DBR1: variants seen among roughly 807,000 people sequenced by gnomAD.
DBR1 encodes the protein lariat debranching enzyme.
A neutral mutation model predicts 45.9 loss-of-function variants in DBR1; 33 were observed. The ratio of observed to expected loss-of-function variants is 0.72; its 90% CI spans 0.55 to 0.96. The LOEUF (loss-of-function observed/expected upper bound fraction) is 0.96. Among genes scored for constraint, DBR1 ranks in the 40% least tolerant of loss-of-function variants. DBR1 has a pLI of 0.00. For missense variants in DBR1, 619 were observed against 667.4 expected, an observed-to-expected ratio of 0.93 and a Z score of 0.80; for synonymous variants, 235 against 235.9, an observed-to-expected ratio of 1.00 and a Z score of 0.04.
chr3:138,170,087 G>T lies in DBR1; in HGVS notation c.489+20C>A. ...ACTTTAAAATGTTTTCAAGTCTGCT[G>T]TAATGCGCTTTTTACGTACCTGTTT... On this transcript the variant is annotated intron_variant, in intron 4 of 7. Coordinates refer to ENST00000260803, the MANE Select transcript of DBR1 (RefSeq NM_016216.4). 2.8e-6 allele frequency: 4 copies of T among 1,444,886 alleles called. No homozygotes were observed. The highest frequency in any genetic ancestry group is 2.9e-6 in the Non-Finnish European group (3 of 1,033,314). 89.5% of individuals were successfully genotyped at this position (1,444,886 alleles called of 1,614,324 possible). A position where few individuals can be genotyped will look rare whatever the true frequency, so the allele number is the denominator to read the frequency against.
chr3:138,173,597 A>T lies in DBR1; in HGVS notation c.227T>A (p.Val76Asp). 1 of 1,613,946 alleles carries T rather than the reference A, an allele frequency of 6.2e-7. No individual in the cohort carries two copies. The highest frequency in any genetic ancestry group is 8.5e-7 in the Non-Finnish European group (1 of 1,179,862). Residue 76 changes from valine to aspartate, a missense_variant, in exon 2 of 8, where the codon GTT becomes GAT. Val to Asp is a radical substitution (Grantham distance 152, BLOSUM62 -3). This residue lies in a region of DBR1 where 430 missense variants were observed against 447.7 expected (regional missense o/e 0.96). Coordinates refer to ENST00000260803, the MANE Select transcript of DBR1 (RefSeq NM_016216.4). ...RYYSGEKKAP[V>D]LTLFIGGNHE... ...GTTTCCCCCAATGAAGAGCGTGAGA[A>T]CTGGAGCCTTTTTCTCTCCAGAGTA...
Position 138,163,344 on chromosome 3 carries a change from C to T in DBR1, c.941+5G>A, listed in dbSNP as rs765505549. On this transcript the variant is annotated splice_donor_5th_base_variant and intron_variant, in intron 7 of 7. Transcript: ENST00000260803. Reference sequence around the variant, plus strand: ...AAAGCAGGTCCTAAATAAAGTCTGACTTACCTTGCATGCAGGCCATTATTT... The same window carrying T: ...AAAGCAGGTCCTAAATAAAGTCTGATTTACCTTGCATGCAGGCCATTATTT... 2 of 1,611,290 alleles carry T rather than the reference C, an allele frequency of 1.2e-6. No homozygotes were observed. The highest frequency in any genetic ancestry group is 2.2e-5 in the South Asian group (2 of 90,392).
intron 5 of DBR1, 47 bp from the exon 6 acceptor site, chr3:138,163,905 C>T: frequency 7.2e-7 from 1 of 1,384,752 alleles, no homozygotes. Flanking sequence ...AAAACAACCA[C>T]AGGTAATTCT....
rs2042918777 is a variant in DBR1, at chr3:138,163,840, T to G, written c.733A>C (p.Thr245Pro). The G allele has an allele frequency of 8.7e-6, 14 of 1,612,518 alleles. No individual in the cohort carries two copies. Among genetic ancestry groups the G allele is most frequent in the Non-Finnish European group, 1.1e-5 (13 of 1,178,916 alleles). ...GCTAAAAATTTGGTTGCTCTGGCTG[T>G]CTGTCCTTTATCCTTTGCCTGGACA... The part of the protein sequence containing the change: ...MQHQAKDKGQ[T>P]ARATKFLALD... The change falls in exon 6 of 8, where the codon ACA becomes CCA. Residue 245 changes from threonine (T) to proline (P), a missense_variant. This residue lies in a region of DBR1 where 430 missense variants were observed against 447.7 expected (regional missense o/e 0.96). Coordinates refer to ENST00000260803, the MANE Select transcript of DBR1 (RefSeq NM_016216.4).
Position 138,162,429 on chromosome 3 carries a change from A to T in DBR1, c.1095T>A (p.Pro365=). 1 of 1,614,180 alleles carries T rather than the reference A, an allele frequency of 6.2e-7. No individual in the cohort carries two copies. Among genetic ancestry groups the T allele is most frequent in the Non-Finnish European group, 8.5e-7 (1 of 1,180,032 alleles). Residue 365 remains proline (P), a synonymous_variant, in exon 8 of 8, where the codon CCT becomes CCA. Transcript: ENST00000260803. ...GTTGGGCACAAAATTCAGTTGTCTG[A>T]GGATTGATCCTATGAATCAGCTGCA... ...TQMQLIHRIN[P]QTTEFCAQLG...
At chr3:138,172,758 G>C (rs369213901) in intron 2 of DBR1, among the ~76,000 whole-genome samples, 197 of 152,286 alleles carry the variant, frequency 1.3e-3, no homozygotes, top group African/African-American at 4.4e-3. Context: ...CAAATTTCCT[G>C]TTTTCTTCAG....
At chr3:138,169,962 G>C in intron 4 of DBR1, 145 bp downstream of exon 4, 1 of 632,122 alleles carries the variant, frequency 1.6e-6, no homozygotes, top group East Asian at 3.0e-5. Context: ...GTTCATCTGT[G>C]AACCTCCTAA....
rs550357568 is a variant in DBR1, at chr3:138,170,140, A to G, written c.456T>C (p.His152=). The G allele has an allele frequency of 1.1e-4, 183 of 1,600,290 alleles. 1 individual carries two copies. The South Asian group carries it at 1.8e-3, about 16-fold the overall frequency. The change falls in exon 4 of 8, where the codon CAT becomes CAC. Residue 152 remains histidine, a synonymous_variant. Coordinates refer to ENST00000260803, the MANE Select transcript of DBR1 (RefSeq NM_016216.4). ...YNSSTIRSIY[H]VRNIEVYKLK... Reference sequence around the variant, plus strand: ...ATTTATAGACTTCAATATTTCTCACATGATATATACTCCTGATTGTAGATG... The same window carrying G: ...ATTTATAGACTTCAATATTTCTCACGTGATATATACTCCTGATTGTAGATG...
chr3:138,171,475 C>CAAAAAAAAAAAAAAAAAA (rs906867666), intron 3 of DBR1, 158 bp downstream of exon 3: 6 of 69,564 alleles, frequency 8.6e-5, no homozygotes, highest in African/African-American at 1.7e-4. Flanking sequence ...AACTCTGTCT[C>CAAAAAAAAAAAAAAAAAA]AAAAAAAAAA....
At chr3:138,170,028 C>T (rs1217283831) in intron 4 of DBR1, 79 bp downstream of exon 4, 6 of 911,504 alleles carry the variant, frequency 6.6e-6, no homozygotes, top group Non-Finnish European at 1.1e-5. Context: ...AAGTAGTATA[C>T]CAATATGACC....
Position 138,173,498 on chromosome 3 carries a change from A to G in DBR1, c.322+4T>C, listed in dbSNP as rs745895329. 7.4e-6 allele frequency: 12 copies of G among 1,613,552 alleles called. No individual in the cohort carries two copies. Among genetic ancestry groups the G allele is most frequent in the Non-Finnish European group, 9.3e-6 (11 of 1,179,658 alleles). On this transcript the variant is annotated splice_donor_region_variant and intron_variant, in intron 2 of 7. Transcript: ENST00000260803. ...AAAAAGTATCCACAAACACAATCAC[A>G]TACCTAAATAATAAATGTTTGGTGC...
intron 2 of DBR1, among the ~76,000 whole-genome samples, chr3:138,173,257 A>T (rs924981309): frequency 6.6e-6 from 1 of 152,172 alleles, no homozygotes. Flanking sequence ...AAATGAAGGG[A>T]CTACAAATAG....
chr3:138,162,295 TC>T lies in DBR1; in HGVS notation c.1228del (p.Asp410ThrfsTer20). On this transcript the variant is annotated frameshift_variant, in exon 8 of 8. Transcript: ENST00000260803. LOFTEE classifies it high-confidence loss of function. ...DDVESNDSGE[D>X]QSEYNTDTSA... Reference sequence around the variant, plus strand: ...TGTGTCTGTATTATATTCACTCTGGTCTTCTCCAGAGTCATTACTCTCCACA... The same window carrying T: ...TGTGTCTGTATTATATTCACTCTGGTTTCTCCAGAGTCATTACTCTCCACA... 6.2e-7 allele frequency: 1 copy of T among 1,614,026 alleles called. No individual in the cohort carries two copies. The highest frequency in any genetic ancestry group is 1.1e-5 in the South Asian group (1 of 91,078).
intron 5 of DBR1, among the ~76,000 whole-genome samples, chr3:138,164,725 C>T (rs1006410475): frequency 1.1e-4 from 17 of 152,234 alleles, no homozygotes; most frequent in African/African-American, 4.1e-4. Flanking sequence ...TGACTCACGG[C>T]AACCTCTGCC....
intron 5 of DBR1, 26 bp downstream of exon 5, chr3:138,167,055 G>A (rs773007364): frequency 4.4e-6 from 7 of 1,596,202 alleles, no homozygotes; most frequent in Non-Finnish European, 6.0e-6. Flanking sequence ...TGTGTTAAAT[G>A]AAAGAATAAA....
chr3:138,167,093 C>T lies in DBR1; in HGVS notation c.702G>A (p.Leu234=), dbSNP rs1321782044. 6.2e-6 allele frequency: 10 copies of T among 1,613,974 alleles called. 1 individual carries two copies. In the South Asian group the frequency reaches 1.1e-4, roughly 18 times the overall value. The change falls in exon 5 of 8, where the codon TTG becomes TTA. Residue 234 remains leucine (L), a synonymous_variant. Transcript: ENST00000260803. ...TTTTGTTTTCTACCTGATGCTGCAT[C>T]AAGGCGGCAAACTTCACATGAAGGT... ...SAHLHVKFAA[L]MQHQAKDKGQ... is the part of the protein sequence containing the mutation.
Position 138,167,196 on chromosome 3 carries a change from A to G in DBR1, c.599T>C (p.Val200Ala). 1 of 1,613,954 alleles carries G rather than the reference A, an allele frequency of 6.2e-7. No individual in the cohort carries two copies. Among genetic ancestry groups the G allele is most frequent in the Non-Finnish European group, 8.5e-7 (1 of 1,179,928 alleles). Residue 200 changes from valine (V) to alanine (A), a missense_variant, in exon 5 of 8, where the codon GTG becomes GCG. Physicochemically the swap from Val to Ala is moderately conservative, Grantham distance 64 (BLOSUM62 0). Transcript: ENST00000260803. ...TGGACTTCCTAATGTGTTATTTTCC[A>G]CTTCTTGTCGGAAAAAAGATTTAGT... is the stretch of plus-strand genomic sequence containing the variant. ...LKTKSFFRQE[V>A]ENNTLGSPAA...
chr3:138,162,175 G>A lies in DBR1; in HGVS notation c.1349C>T (p.Pro450Leu). 6.2e-7 allele frequency: 1 copy of A among 1,614,124 alleles called. No homozygotes were observed. Among genetic ancestry groups the A allele is most frequent in the Non-Finnish European group, 8.5e-7 (1 of 1,180,030 alleles). ...AGCTTGATCAGAAGGTTCTACCGAT[G>A]GTGTATTCATGCCACTATGTGCACT... ...IVSAHSGMNT[P>L]SVEPSDQASE... The change falls in exon 8 of 8, where the codon CCA becomes CTA. Residue 450 changes from proline (P) to leucine (L), a missense_variant. By Grantham distance (98) the Pro-to-Leu change is moderately conservative. Transcript: ENST00000260803.
chr3:138,171,466 ACT>A (rs1413492407), intron 3 of DBR1, 165 bp downstream of exon 3: 7 of 504,026 alleles, frequency 1.4e-5, no homozygotes, highest in Non-Finnish European at 2.4e-5. Flanking sequence ...CAAGAACGAA[ACT>A]CTGTCTCAAA....
Sources: gnomAD v4.1 joint callset for allele counts (sites outside exome capture counted in the v4.1 genomes callset) on GRCh38, gnomAD v4.1.1 for gene constraint, gnomAD v4.1.1 regional missense constraint, MANE v1.5 for transcripts, NCBI Gene and HGNC (gene_info 2026-07-23, HGNC 2026-07-21) for gene names.